The following USP14 variants were observed in gnomAD, a reference collection of about 807,000 sequenced individuals.
USP14 encodes the protein ubiquitin specific peptidase 14, also known as ubiquitin carboxyl-terminal hydrolase 14.
A neutral mutation model predicts 76.5 loss-of-function variants in USP14; 38 were observed. The ratio of observed to expected loss-of-function variants is 0.50; its 90% CI spans 0.38 to 0.65. The LOEUF (loss-of-function observed/expected upper bound fraction) is 0.65. USP14 is among the 30% of genes least tolerant of loss of function. USP14 has a pLI of 0.00. For missense variants in USP14, 467 were observed against 586.5 expected, an observed-to-expected ratio of 0.80 and a Z score of 2.10; for synonymous variants, 192 against 191.7, an observed-to-expected ratio of 1.00 and a Z score of -0.01.
intron 3 of USP14, among the ~76,000 whole-genome samples, chr18:176,901 A>G (rs995538484): frequency 6.6e-6 from 1 of 151,222 alleles, no homozygotes; most frequent in African/African-American, 2.4e-5. Context: ...TAATTTTTTA[A>G]GGGCATTGTT....
intron 10 of USP14, among the ~76,000 whole-genome samples, chr18:199,939 TC>T (rs1349414686): frequency 3.3e-5 from 5 of 152,210 alleles, no homozygotes; most frequent in African/African-American, 1.2e-4. Context: ...ACTAACAAAA[TC>T]AACTGTATAG....
In USP14 at chr18:183,856, A is replaced by G. The variant is rs571694706; in HGVS notation, c.404+3517A>G. Among the ~76,000 whole-genome samples, 11 of 151,814 alleles carry G rather than the reference A, an allele frequency of 7.2e-5. No individual in the cohort carries two copies. In the East Asian group the frequency reaches 2.1e-3, roughly 30 times the overall value. On this transcript the variant is annotated intron_variant, in intron 5 of 15. Coordinates refer to ENST00000261601, the MANE Select transcript of USP14 (RefSeq NM_005151.4). ...GGTTGTGTGCTCATATCATGCAACCATATTCTCTTCCTTATGTCCCAGTTG... is the reference window on the plus strand; with the variant it reads ...GGTTGTGTGCTCATATCATGCAACCGTATTCTCTTCCTTATGTCCCAGTTG...
Position 209,877 on chromosome 18 carries a change from A to T in USP14, c.1165-94A>T, listed in dbSNP as rs770527569. ...ACTGTATTTTGTCTCTGTGCACTGTAGACAGTAAATATTTATGAAATTGAA... is the reference window on the plus strand; with the variant it reads ...ACTGTATTTTGTCTCTGTGCACTGTTGACAGTAAATATTTATGAAATTGAA... On this transcript the variant is annotated intron_variant, in intron 13 of 15. Transcript: ENST00000261601. The T allele has an allele frequency of 3.6e-4, 334 of 923,394 alleles. 1 individual carries two copies. The highest frequency in any genetic ancestry group is 4.7e-4 in the Non-Finnish European group (287 of 607,340). 57.2% of individuals were successfully genotyped at this position (923,394 alleles called of 1,614,324 possible).
rs970788810 is a variant in USP14, at chr18:175,579, G to A, written c.196-3354G>A. Among the ~76,000 whole-genome samples, 7 of 152,186 alleles carry A rather than the reference G, an allele frequency of 4.6e-5. No individual in the cohort carries two copies. The South Asian group carries it at 1.5e-3, about 32-fold the overall frequency. On this transcript the variant is annotated intron_variant, in intron 3 of 15. Coordinates refer to ENST00000261601, the MANE Select transcript of USP14 (RefSeq NM_005151.4). ...TATATTCTTGGGATAAACCCCACTT[G>A]GACATTATATATTGCTAGATTCTAT...
At chr18:200,260 C>T (rs1250216871) in intron 10 of USP14, among the ~76,000 whole-genome samples, 1 of 152,116 alleles carries the variant, frequency 6.6e-6, no homozygotes, top group African/African-American at 2.4e-5. Context: ...CTACTGTTTT[C>T]TTACGTGAAA....
In USP14 at chr18:211,180, G is replaced by C. The variant is rs1238055628; in HGVS notation, c.1381G>C (p.Glu461Gln). The change falls in exon 16 of 16, where the codon GAA becomes CAA. Residue 461 changes from glutamate (E) to glutamine (Q), a missense_variant. Glu to Gln is a conservative substitution (Grantham distance 29). Transcript: ENST00000261601. ...DDDKVSIVTP[E>Q]DILRLSGGGD... ...TGACAAAGTCAGCATCGTAACACCA[G>C]AAGATATCTTACGGCTTTCTGGTGG... 6.2e-7 allele frequency: 1 copy of C among 1,613,956 alleles called. No individual in the cohort carries two copies. The highest frequency in any genetic ancestry group is 8.5e-7 in the Non-Finnish European group (1 of 1,179,944).
In USP14 at chr18:203,087, T is replaced by G. The variant is rs1910427752; in HGVS notation, c.943-11T>G. ...GATGTAATGGGATTTCTTTACATTT[T>G]GTCTCCTCAGTCCAAGATCAGCCGG... On this transcript the variant is annotated splice_polypyrimidine_tract_variant and intron_variant, in intron 11 of 15. Transcript: ENST00000261601. The G allele has an allele frequency of 6.2e-7, 1 of 1,612,164 alleles. No individual in the cohort carries two copies. The highest frequency in any genetic ancestry group is 1.7e-5 in the Admixed American group (1 of 59,582).
At chr18:205,405 C>G (rs1423346778) in intron 13 of USP14, among the ~76,000 whole-genome samples, 1 of 152,118 alleles carries the variant, frequency 6.6e-6, no homozygotes, top group African/African-American at 2.4e-5. Context: ...TGCCACAGGG[C>G]CACTTTTCTT....
chr18:184,631 A>G (rs896754942), intron 5 of USP14, among the ~76,000 whole-genome samples: 2 of 152,108 alleles, frequency 1.3e-5, no homozygotes, highest in Non-Finnish European at 2.9e-5. Flanking sequence ...TTAGCCAGGC[A>G]TGGTGGTGTG....
chr18:159,811 T>C (rs780123886), intron 1 of USP14, among the ~76,000 whole-genome samples: 8 of 152,216 alleles, frequency 5.3e-5, no homozygotes, highest in Non-Finnish European at 1.2e-4. Flanking sequence ...AGAGTTTCTT[T>C]TTTAAAATTT....
At chr18:173,498 G>A (rs567987343) in intron 3 of USP14, among the ~76,000 whole-genome samples, 1 of 150,732 alleles carries the variant, frequency 6.6e-6, no homozygotes, top group African/African-American at 2.4e-5. Flanking sequence ...CGCAACCTCC[G>A]TCTCCCAGGT....
Position 188,442 on chromosome 18 carries a change from T to G in USP14, c.405-4400T>G, listed in dbSNP as rs1045007975. 2.3e-4 allele frequency among the ~76,000 whole-genome samples: 35 copies of G among 152,004 alleles called. 1 individual carries two copies. The highest frequency in any genetic ancestry group is 2.2e-3 in the Admixed American group (33 of 15,276). Reference sequence around the variant, plus strand: ...CGCTGAATTTAATTTGCTGGAACATTTTAAAAGGATTTTTTGGGGTCATTT... The same window carrying G: ...CGCTGAATTTAATTTGCTGGAACATGTTAAAAGGATTTTTTGGGGTCATTT... On this transcript the variant is annotated intron_variant, in intron 5 of 15. Coordinates refer to ENST00000261601, the MANE Select transcript of USP14 (RefSeq NM_005151.4).
At chr18:175,061 C>G (rs1909590885) in intron 3 of USP14, among the ~76,000 whole-genome samples, 1 of 152,152 alleles carries the variant, frequency 6.6e-6, no homozygotes, top group Non-Finnish European at 1.5e-5. Flanking sequence ...GCGTGAGCCA[C>G]TGCACCCAGC....
intron 15 of USP14, 75 bp from the exon 16 acceptor site, chr18:211,058 G>C: frequency 6.7e-7 from 1 of 1,495,236 alleles, no homozygotes; most frequent in Non-Finnish European, 9.1e-7. Context: ...CCGATGACTT[G>C]ATACTTTTTT....
chr18:171,056 A>ATATATATATATATATATATATATATATAT, intron 3 of USP14, among the ~76,000 whole-genome samples: 1 of 139,374 alleles, frequency 7.2e-6, no homozygotes, highest in East Asian at 2.2e-4. Context: ...ATATATATAT[A>ATATATATATATATATATATATATATATAT]AACTGAAGCT....
rs1405163433 is a variant in USP14, at chr18:211,154, A to T, written c.1355A>T (p.Asp452Val). ...RKQDEWIKFD[D>V]DKVSIVTPED... ...TTAGATGAATGGATTAAGTTTGATG[A>T]TGACAAAGTCAGCATCGTAACACCA... The change falls in exon 16 of 16, where the codon GAT (aspartate) becomes GTT (valine). Residue 452 changes from aspartate (D) to valine (V), a missense_variant. By Grantham distance (152) the Asp-to-Val change is radical. Coordinates refer to ENST00000261601, the MANE Select transcript of USP14 (RefSeq NM_005151.4). 1 of 1,613,592 alleles carries T rather than the reference A, an allele frequency of 6.2e-7. No homozygotes were observed. The highest frequency in any genetic ancestry group is 8.5e-7 in the Non-Finnish European group (1 of 1,179,696).
chr18:207,748 AT>A (rs1910566836), intron 13 of USP14, among the ~76,000 whole-genome samples: 1 of 152,070 alleles, frequency 6.6e-6, no homozygotes, highest in Non-Finnish European at 1.5e-5. Context: ...TAGGTCTTTA[AT>A]TTTTTTCATA....
chr18:171,025 A>AAAAAAAATATATAT (rs1327304974), intron 3 of USP14, among the ~76,000 whole-genome samples: 3 of 47,684 alleles, frequency 6.3e-5, no homozygotes, highest in African/African-American at 2.6e-4. Context: ...AAAAAAAAAA[A>AAAAAAAATATATAT]ATATATATAT....
chr18:205,302 C>T (rs532579616), intron 13 of USP14, among the ~76,000 whole-genome samples: 1 of 152,152 alleles, frequency 6.6e-6, no homozygotes, highest in African/African-American at 2.4e-5. Context: ...ATACTTATCT[C>T]CTCAAAGTAC....
Sources: allele counts gnomAD v4.1 joint callset (sites outside exome capture counted in the v4.1 genomes callset), GRCh38; gene constraint gnomAD v4.1.1; transcripts MANE v1.5; gene names NCBI Gene and HGNC (gene_info 2026-07-23, HGNC 2026-07-21).